FAM53B: variants seen among roughly 807,000 people sequenced by gnomAD.
FAM53B encodes protein FAM53B.
Under a neutral mutation model 32.7 loss-of-function variants are expected in FAM53B, and 12 were observed. The observed-to-expected ratio is 0.37, with a 90% CI of 0.24 to 0.59. The LOEUF (loss-of-function observed/expected upper bound fraction) is 0.59. Ranked by LOEUF, FAM53B falls within the 20% of genes least tolerant of loss-of-function variation. The pLI is 0.72. For missense variants in FAM53B, 477 were observed against 577.7 expected (o/e 0.83, Z 1.79); for synonymous variants, 234 against 228.7 (o/e 1.02, Z -0.21).
chr10:124,663,587 G>A (rs1949647311), intron 4 of FAM53B, among the ~76,000 whole-genome samples: 1 of 152,196 alleles, frequency 6.6e-6, no homozygotes. Context: ...GTACTTGGTG[G>A]TCTTGTTAAA....
intron 2 of FAM53B, among the ~76,000 whole-genome samples, chr10:124,699,243 A>G (rs1366922775): frequency 1.3e-5 from 2 of 152,236 alleles, no homozygotes; most frequent in Admixed American, 6.5e-5. Context: ...CCCAGCTGAC[A>G]GCAGGCACCA....
Position 124,681,261 on chromosome 10 carries a change from G to C in FAM53B, c.906+346C>G, listed in dbSNP as rs562665720. 2.0e-5 allele frequency among the ~76,000 whole-genome samples: 3 copies of C among 152,240 alleles called. No individual in the cohort carries two copies. The South Asian group carries it at 6.2e-4, about 32-fold the overall frequency. ...TGTATATCTCTTGCAGCAGCTGCAGGGGTGGCTTCCTGGGAGAGACGGCTC... is the reference window on the plus strand; with the variant it reads ...TGTATATCTCTTGCAGCAGCTGCAGCGGTGGCTTCCTGGGAGAGACGGCTC... On this transcript the variant is annotated intron_variant, in intron 4 of 4. Transcript: ENST00000337318.
rs1362003510 is a variant in FAM53B at position 124,681,809 on chromosome 10, T to C, written c.704A>G (p.Gln235Arg). 1.9e-6 allele frequency: 3 copies of C among 1,611,028 alleles called. No individual in the cohort carries two copies. The highest frequency in any genetic ancestry group is 4.5e-5 in the East Asian group (2 of 44,800). ...LQRSLSCSHE[Q>R]FSFVEYCPPS... ...AGGACAGTATTCCACAAAGGAAAAC[T>C]GCTCATGTGAGCAAGAGAGGGACCG... Residue 235 changes from glutamine to arginine, a missense_variant, in exon 4 of 5, where the codon CAG (glutamine) becomes CGG (arginine). By Grantham distance (43) the Gln-to-Arg change is conservative. This residue lies in a region of FAM53B where 312 missense variants were observed against 420.2 expected (regional missense o/e 0.74). Transcript: ENST00000337318.
intron 3 of FAM53B, among the ~76,000 whole-genome samples, chr10:124,695,532 C>T (rs1460506264): frequency 6.6e-6 from 1 of 152,140 alleles, no homozygotes; most frequent in South Asian, 2.1e-4. Context: ...CAAAGGCAGA[C>T]AAAGAATTAG....
chr10:124,701,574 G>A (rs1266977204), intron 2 of FAM53B, among the ~76,000 whole-genome samples: 4 of 152,240 alleles, frequency 2.6e-5, no homozygotes, highest in African/African-American at 7.2e-5. Context: ...GAGTGTGGGC[G>A]TGCGGGAAGG....
chr10:124,636,173 C>G lies in FAM53B; in HGVS notation c.907-12569G>C, dbSNP rs893455383. Among the ~76,000 whole-genome samples, 3 of 152,200 alleles carry G rather than the reference C, an allele frequency of 2.0e-5. No homozygotes were observed. In the East Asian group the frequency reaches 5.8e-4, roughly 29 times the overall value. Reference sequence around the variant, plus strand: ...GGCCAAAATCCTATTCACATGATCGCTTGTGTTTTCCAAGGTCGAATTCCC... The same window carrying G: ...GGCCAAAATCCTATTCACATGATCGGTTGTGTTTTCCAAGGTCGAATTCCC... On this transcript the variant is annotated intron_variant, in intron 4 of 4. Transcript: ENST00000337318.
rs1326963057 is a variant in FAM53B at position 124,657,052 on chromosome 10, GTATATA to G, written c.906+24549_906+24554del. ...TTAAAGTATAAATATATATATATATGTATATATGTATATATATATGTATATATATGT... is the reference window on the plus strand; with the variant it reads ...TTAAAGTATAAATATATATATATATGTGTATATATATATGTATATATATGT... On this transcript the variant is annotated intron_variant, in intron 4 of 4. Transcript: ENST00000337318. 8.6e-4 allele frequency among the ~76,000 whole-genome samples: 123 copies of G among 143,126 alleles called. 2 individuals carry two copies. In the East Asian group the frequency reaches 0.022, roughly 26 times the overall value. 93.9% of individuals were successfully genotyped at this position (143,126 alleles called of 152,430 possible). A position where few individuals can be genotyped will look rare whatever the true frequency, so the allele number is the denominator to read the frequency against.
At chr10:124,688,110 A>T (rs11245329) in intron 3 of FAM53B, among the ~76,000 whole-genome samples, 20,482 of 152,196 alleles carry the variant, frequency 0.13, 1,586 homozygotes, top group African/African-American at 0.19. Flanking sequence ...ATGGACAGCC[A>T]CTAGCAAAGG....
At chr10:124,689,254 C>G (rs567842065) in intron 3 of FAM53B, among the ~76,000 whole-genome samples, 2 of 151,954 alleles carry the variant, frequency 1.3e-5, no homozygotes, top group African/African-American at 4.8e-5. Context: ...ACTGATCTTA[C>G]GAAAAGAACA....
rs548281100 is a variant in FAM53B, at chr10:124,673,582, C to G, written c.906+8025G>C. ...GTACAGCAGCTCAGTGGGCACTCGC[C>G]CTAGGACCTGGATCCCTCCTCCAGG... On this transcript the variant is annotated intron_variant, in intron 4 of 4. Transcript: ENST00000337318. 5.9e-5 allele frequency among the ~76,000 whole-genome samples: 9 copies of G among 152,318 alleles called. No individual in the cohort carries two copies. The East Asian group carries it at 1.5e-3, about 26-fold the overall frequency.
At position 124,696,037 on chromosome 10, in the gene FAM53B, T is replaced by G. The variant is rs1949867130; in HGVS notation, c.133+121A>C. On this transcript the variant is annotated intron_variant, in intron 3 of 4. Coordinates refer to ENST00000337318, the MANE Select transcript of FAM53B (RefSeq NM_014661.4). ...AAAATAGTTAAAACACACAGAAGAG[T>G]CCCGGGGCTGCTCTTTTTGAACTTG... 5 of 803,006 alleles carry G rather than the reference T, an allele frequency of 6.2e-6. No individual in the cohort carries two copies. The South Asian group carries it at 7.6e-5, about 12-fold the overall frequency. 49.7% of individuals were successfully genotyped at this position (803,006 alleles called of 1,614,324 possible).
intron 1 of FAM53B, 69 bp from the exon 2 acceptor site, chr10:124,706,956 C>G: frequency 7.4e-7 from 1 of 1,345,596 alleles, no homozygotes; most frequent in Non-Finnish European, 9.7e-7. Context: ...AGTCACCCCT[C>G]CCACAGTACT....
At chr10:124,663,871 C>A (rs1949649219) in intron 4 of FAM53B, among the ~76,000 whole-genome samples, 1 of 152,136 alleles carries the variant, frequency 6.6e-6, no homozygotes, top group African/African-American at 2.4e-5. Flanking sequence ...CACCTCCTCC[C>A]ACCAACCCAG....
intron 3 of FAM53B, among the ~76,000 whole-genome samples, chr10:124,685,207 T>C (rs1156746574): frequency 6.6e-6 from 1 of 152,246 alleles, no homozygotes; most frequent in African/African-American, 2.4e-5. Context: ...GAAATGTTAA[T>C]AGTGGATTGG....
intron 3 of FAM53B, among the ~76,000 whole-genome samples, chr10:124,695,016 G>A (rs1949860242): frequency 1.3e-5 from 2 of 152,174 alleles, no homozygotes; most frequent in East Asian, 1.9e-4. Context: ...CAGAGCCAGC[G>A]GGGCCCAGCA....
intron 4 of FAM53B, chr10:124,667,420 T>C (rs754996863): frequency 6.5e-6 from 5 of 769,248 alleles, no homozygotes; most frequent in Non-Finnish European, 1.2e-5. Context: ...CATGGGGCTA[T>C]CTGGAGGAGA....
chr10:124,682,443 T>C lies in FAM53B; in HGVS notation c.134-64A>G. On this transcript the variant is annotated intron_variant, in intron 3 of 4. Coordinates refer to ENST00000337318, the MANE Select transcript of FAM53B (RefSeq NM_014661.4). This position sits in a 1 kb window ranked among gnomAD's most constrained non-coding sequence, Gnocchi z 5.2. ...AGACCTTCACTCCAGCCCTTTATTA[T>C]CTCCACACCAACAGCCCGTTTCAAA... 1 of 1,407,816 alleles carries C rather than the reference T, an allele frequency of 7.1e-7. No individual in the cohort carries two copies. The highest frequency in any genetic ancestry group is 1.3e-5 in the South Asian group (1 of 76,630). 87.2% of individuals were successfully genotyped at this position (1,407,816 alleles called of 1,614,324 possible).
chr10:124,676,283 CTG>C (rs1403223163), intron 4 of FAM53B, among the ~76,000 whole-genome samples: 1 of 152,224 alleles, frequency 6.6e-6, no homozygotes, highest in Non-Finnish European at 1.5e-5. Context: ...TGTCTGCAGT[CTG>C]TGTTATAAGG....
Position 124,721,312 on chromosome 10 carries a change from T to TA in FAM53B, c.-174-14426dup, listed in dbSNP as rs569370482. On this transcript the variant is annotated intron_variant, in intron 1 of 4. Coordinates refer to ENST00000337318, the MANE Select transcript of FAM53B (RefSeq NM_014661.4). ...CAGGTCCCCTGCCTGGACAGACTCT[T>TA]ACTCGCTTCAATTATTAATAAATCA... Among the ~76,000 whole-genome samples the TA allele has an allele frequency of 2.6e-5, 4 of 152,366 alleles. No homozygotes were observed. The South Asian group carries it at 8.3e-4, about 32-fold the overall frequency.
Sources: allele counts gnomAD v4.1 joint callset (sites outside exome capture counted in the v4.1 genomes callset), GRCh38; gene constraint gnomAD v4.1.1; regional missense constraint gnomAD v4.1.1; non-coding constraint Gnocchi (gnomAD v3.1); transcripts MANE v1.5; gene names NCBI Gene and HGNC (gene_info 2026-07-23, HGNC 2026-07-21).